Variants in PRKCA observed in about 807,000 individuals in gnomAD.
The protein encoded by PRKCA is protein kinase C alpha.
In PRKCA, 27 loss-of-function variants were observed where a neutral mutation model predicts 87.0. The observed-to-expected ratio is 0.31, with a 90% CI of 0.23 to 0.43. The LOEUF is 0.43. Ranked by LOEUF, PRKCA falls within the 20% of genes least tolerant of loss-of-function variation. The pLI is 1.00. For missense variants in PRKCA, 518 were observed against 852.3 expected, an observed-to-expected ratio of 0.61 and a Z score of 4.88; for synonymous variants, 329 against 311.1, an observed-to-expected ratio of 1.06 and a Z score of -0.61.
intron 14 of PRKCA, among the ~76,000 whole-genome samples, chr17:66,782,436 T>C (rs114901686): frequency 4.6e-5 from 7 of 152,180 alleles, no homozygotes; most frequent in African/African-American, 1.7e-4. Flanking sequence ...TTTTACCTTC[T>C]TCAGGTTCAT....
chr17:66,615,745 C>T (rs984357349), intron 3 of PRKCA, among the ~76,000 whole-genome samples: 11 of 152,212 alleles, frequency 7.2e-5, no homozygotes, highest in Admixed American at 5.2e-4. Context: ...GGCATTCCGT[C>T]GGCAGTCACC....
intron 2 of PRKCA, among the ~76,000 whole-genome samples, chr17:66,338,005 C>G (rs1338132166): frequency 6.6e-6 from 1 of 150,848 alleles, no homozygotes; most frequent in Non-Finnish European, 1.5e-5. Flanking sequence ...AATCTTCCCC[C>G]CCCTCCGCCC....
chr17:66,495,820 C>T (rs2144110155), intron 2 of PRKCA, among the ~76,000 whole-genome samples: 2 of 152,154 alleles, frequency 1.3e-5, no homozygotes, highest in South Asian at 4.1e-4. Flanking sequence ...CTACCTGCCT[C>T]GGCCTCCCAA....
At chr17:66,385,552 T>G (rs1005467528) in intron 2 of PRKCA, among the ~76,000 whole-genome samples, 2 of 152,172 alleles carry the variant, frequency 1.3e-5, no homozygotes, top group Non-Finnish European at 2.9e-5. Flanking sequence ...ATATTTTTTA[T>G]AAAAACTCTT....
chr17:66,596,374 C>A (rs911324281), intron 3 of PRKCA, among the ~76,000 whole-genome samples: 1 of 151,916 alleles, frequency 6.6e-6, no homozygotes, highest in Non-Finnish European at 1.5e-5. Flanking sequence ...TTTTCCTTTG[C>A]CCCCCTGCCT....
intron 3 of PRKCA, among the ~76,000 whole-genome samples, chr17:66,540,570 G>A (rs535981663): frequency 5.0e-4 from 76 of 152,330 alleles, no homozygotes; most frequent in African/African-American, 1.6e-3. Flanking sequence ...GTGGAGTGGG[G>A]CCTCCCAGCG....
chr17:66,414,750 G>A (rs1043590532), intron 2 of PRKCA, among the ~76,000 whole-genome samples: 2 of 152,134 alleles, frequency 1.3e-5, no homozygotes, highest in African/African-American at 4.8e-5. Flanking sequence ...TGAACGCCAG[G>A]TGTACTGTAC....
At chr17:66,396,957 CTTTTTTTTTT>C (rs35135551) in intron 2 of PRKCA, among the ~76,000 whole-genome samples, 2 of 52,136 alleles carry the variant, frequency 3.8e-5, no homozygotes, top group Non-Finnish European at 3.3e-5. Flanking sequence ...ACAATCAAGA[CTTTTTTTTTT>C]TTTTTTTTTT....
intron 13 of PRKCA, among the ~76,000 whole-genome samples, chr17:66,770,946 G>A (rs1568024262): frequency 2.6e-5 from 4 of 152,206 alleles, no homozygotes; most frequent in South Asian, 4.2e-4. Context: ...TTTGGAAAAC[G>A]GGCACTTGTT....
At chr17:66,566,036 G>A (rs1015992170) in intron 3 of PRKCA, among the ~76,000 whole-genome samples, 11 of 152,026 alleles carry the variant, frequency 7.2e-5, no homozygotes, top group African/African-American at 2.7e-4. Context: ...GAAGATGTTG[G>A]GGATTTAAAT....
intron 3 of PRKCA, among the ~76,000 whole-genome samples, chr17:66,591,972 CT>C (rs1312148139): frequency 6.6e-6 from 1 of 152,092 alleles, no homozygotes; most frequent in Non-Finnish European, 1.5e-5. Context: ...CTGGTCCTAG[CT>C]TTGGGGGTTT....
rs572836781 is a variant in PRKCA, at chr17:66,656,331, A to G, written c.529+10820A>G. ...CTGCCAGGAGGAAGCACTCTTAAAG[A>G]TAGGCTTTGAATGCTTACATCCCTG... On this transcript the variant is annotated intron_variant, in intron 5 of 16. Coordinates refer to ENST00000413366, the MANE Select transcript of PRKCA (RefSeq NM_002737.3). 6.6e-5 allele frequency among the ~76,000 whole-genome samples: 10 copies of G among 152,304 alleles called. No homozygotes were observed. The East Asian group carries it at 1.7e-3, about 26-fold the overall frequency.
chr17:66,521,354 G>C (rs1967154843), intron 3 of PRKCA, among the ~76,000 whole-genome samples: 1 of 152,132 alleles, frequency 6.6e-6, no homozygotes, highest in Non-Finnish European at 1.5e-5. Context: ...CATTTTTATA[G>C]TTTTTAAACA....
At chr17:66,725,721 G>A (rs1400461696) in intron 8 of PRKCA, among the ~76,000 whole-genome samples, 1 of 151,792 alleles carries the variant, frequency 6.6e-6, no homozygotes, top group Non-Finnish European at 1.5e-5. Context: ...GAGATGGGCG[G>A]ATCACTTGAG....
chr17:66,658,172 A>G (rs1046524939), intron 5 of PRKCA, among the ~76,000 whole-genome samples: 3 of 152,134 alleles, frequency 2.0e-5, no homozygotes, highest in African/African-American at 7.2e-5. Context: ...TAAAGGGGAA[A>G]GCCCCTTATA....
At chr17:66,360,007 T>C (rs1253501500) in intron 2 of PRKCA, among the ~76,000 whole-genome samples, 2 of 152,356 alleles carry the variant, frequency 1.3e-5, no homozygotes, top group East Asian at 3.9e-4. Flanking sequence ...GCCAAAATTA[T>C]AGCAGTGATG....
chr17:66,340,575 T>C (rs1906988631), intron 2 of PRKCA, among the ~76,000 whole-genome samples: 1 of 152,074 alleles, frequency 6.6e-6, no homozygotes, highest in East Asian at 1.9e-4. Flanking sequence ...TGCTTGACAT[T>C]TTTTTGTTTT....
At chr17:66,551,644 G>T (rs923921006) in intron 3 of PRKCA, among the ~76,000 whole-genome samples, 1 of 152,144 alleles carries the variant, frequency 6.6e-6, no homozygotes, top group African/African-American at 2.4e-5. Flanking sequence ...ATACTCAAGG[G>T]GGGGATATTG....
At chr17:66,338,072 G>A (rs537265971) in intron 2 of PRKCA, among the ~76,000 whole-genome samples, 36 of 142,222 alleles carry the variant, frequency 2.5e-4, no homozygotes, top group Middle Eastern at 3.8e-3. Flanking sequence ...GTTTTAACCC[G>A]GTGAATTCCT....
Sources: allele counts gnomAD v4.1 joint callset (sites outside exome capture counted in the v4.1 genomes callset), GRCh38; gene constraint gnomAD v4.1.1; transcripts MANE v1.5; gene names NCBI Gene and HGNC (gene_info 2026-07-23, HGNC 2026-07-21).